Variants in ZNRF3 observed in about 807,000 individuals in gnomAD.
ZNRF3 encodes the protein E3 ubiquitin-protein ligase ZNRF3.
A neutral mutation model predicts 72.5 loss-of-function variants in ZNRF3; 23 were observed. The ratio of observed to expected loss-of-function variants is 0.32; its 90% CI spans 0.23 to 0.45. The LOEUF (loss-of-function observed/expected upper bound fraction) is 0.45, where lower values mean the gene tolerates loss of function less well. Among genes scored for constraint, ZNRF3 ranks in the 20% least tolerant of loss-of-function variants. ZNRF3 has a pLI of 1.00. For missense variants in ZNRF3, 1,169 were observed against 1,272.1 expected, an observed-to-expected ratio of 0.92 and a Z score of 1.23; for synonymous variants, 610 against 545.3, an observed-to-expected ratio of 1.12 and a Z score of -1.65.
Position 29,050,540 on chromosome 22 carries a change from G to A in ZNRF3, c.2359G>A (p.Val787Met), listed in dbSNP as rs2037182121. The stretch of plus-strand genomic sequence containing the variant: ...CTGCTGCTTCTATGAAGAGAAGCAG[G>A]TGGCCCGCGGGGGCGGAGGGGGCAG... Reference protein sequence around the residue: ...LPCCFYEEKQVARGGGGGSGC... With the variant: ...LPCCFYEEKQMARGGGGGSGC... Residue 787 changes from valine (V) to methionine (M), a missense_variant, in exon 8 of 9, where the codon GTG becomes ATG. This residue lies in a region of ZNRF3 where 783 missense variants were observed against 731.4 expected (regional missense o/e 1.07). Coordinates refer to ENST00000544604, the MANE Select transcript of ZNRF3 (RefSeq NM_001206998.2). 1 of 1,611,106 alleles carries A rather than the reference G, an allele frequency of 6.2e-7. No homozygotes were observed. Among genetic ancestry groups the A allele is most frequent in the Non-Finnish European group, 8.5e-7 (1 of 1,179,104 alleles).
intron 1 of ZNRF3, among the ~76,000 whole-genome samples, chr22:28,948,889 G>C (rs1169494572): frequency 6.6e-6 from 1 of 152,130 alleles, no homozygotes; most frequent in South Asian, 2.1e-4. Context: ...TCATGCATTG[G>C]TCATTTAGAA....
rs140765863 is a variant in ZNRF3 at position 29,043,716 on chromosome 22, C to T, written c.633+286C>T. 7.5e-3 allele frequency among the ~76,000 whole-genome samples: 1,139 copies of T among 152,286 alleles called. 12 individuals carry two copies. The highest frequency in any genetic ancestry group is 0.024 in the African/African-American group (1,009 of 41,560). On this transcript the variant is annotated intron_variant, in intron 4 of 8. Transcript: ENST00000544604. ...TGGCCATCTCTCATCCTTTCTTTTC[C>T]ATCCCATCTCCCTCTGAAAGGCAAA...
chr22:29,015,099 A>G (rs2036410000), intron 2 of ZNRF3, among the ~76,000 whole-genome samples: 1 of 151,940 alleles, frequency 6.6e-6, no homozygotes, highest in African/African-American at 2.4e-5. Context: ...CTGCTAAGAA[A>G]TAAAATGAAG....
At chr22:28,937,195 A>T (rs865858235) in intron 1 of ZNRF3, among the ~76,000 whole-genome samples, 1 of 91,178 alleles carries the variant, frequency 1.1e-5, no homozygotes, top group Admixed American at 9.8e-5. Context: ...ATATATATAT[A>T]TATATATATA....
intron 1 of ZNRF3, among the ~76,000 whole-genome samples, chr22:28,888,011 C>A (rs903553096): frequency 6.6e-6 from 1 of 151,854 alleles, no homozygotes; most frequent in Non-Finnish European, 1.5e-5. Flanking sequence ...TTGAGAAATT[C>A]ATTTGTAGAA....
chr22:28,984,132 A>T (rs5762933), intron 1 of ZNRF3, among the ~76,000 whole-genome samples: 8,250 of 87,972 alleles, frequency 0.094, 454 homozygotes, highest in East Asian at 0.21. Flanking sequence ...TTTTTTTTTT[A>T]AAAAAAACCT....
chr22:28,932,773 A>G (rs1213951593), intron 1 of ZNRF3, among the ~76,000 whole-genome samples: 1 of 152,220 alleles, frequency 6.6e-6, no homozygotes, highest in African/African-American at 2.4e-5. Flanking sequence ...GAAAGTCACC[A>G]AATGTCTGTC....
chr22:28,910,550 A>G (rs2034296944), intron 1 of ZNRF3, among the ~76,000 whole-genome samples: 2 of 152,164 alleles, frequency 1.3e-5, no homozygotes, highest in African/African-American at 4.8e-5. Context: ...GCCAGCTTTA[A>G]TGTCCTCTTA....
At chr22:28,941,539 A>G (rs1202158597) in intron 1 of ZNRF3, among the ~76,000 whole-genome samples, 1 of 152,216 alleles carries the variant, frequency 6.6e-6, no homozygotes, top group Non-Finnish European at 1.5e-5. Context: ...TTGAAGAGCC[A>G]GTAAAATGTT....
chr22:28,898,766 C>T (rs1212379639), intron 1 of ZNRF3, among the ~76,000 whole-genome samples: 6 of 152,116 alleles, frequency 3.9e-5, no homozygotes, highest in African/African-American at 1.4e-4. Context: ...TTTAAAAGGA[C>T]TGTAGTAGTA....
At chr22:28,973,886 G>A (rs2035620529) in intron 1 of ZNRF3, among the ~76,000 whole-genome samples, 2 of 151,158 alleles carry the variant, frequency 1.3e-5, no homozygotes, top group African/African-American at 4.9e-5. Flanking sequence ...CATCCCACTG[G>A]TTCCTTGTAA....
intron 1 of ZNRF3, among the ~76,000 whole-genome samples, chr22:28,909,778 G>A (rs915474299): frequency 4.1e-5 from 6 of 147,418 alleles, no homozygotes; most frequent in Non-Finnish European, 9.0e-5. Flanking sequence ...TTGGTGGTAG[G>A]GAAAGGGTTC....
At chr22:28,908,793 G>A (rs150623344) in intron 1 of ZNRF3, among the ~76,000 whole-genome samples, 2 of 152,274 alleles carry the variant, frequency 1.3e-5, no homozygotes, top group East Asian at 3.9e-4. Flanking sequence ...TTTTTAAAGC[G>A]GTGATTAGAT....
intron 1 of ZNRF3, among the ~76,000 whole-genome samples, chr22:28,969,031 A>C (rs902290989): frequency 9.9e-5 from 15 of 152,206 alleles, no homozygotes; most frequent in African/African-American, 3.6e-4. Context: ...CTTGGCCCAC[A>C]TGCAGGCTGT....
chr22:28,971,730 GTCTC>G (rs1216384384), intron 1 of ZNRF3, among the ~76,000 whole-genome samples: 2 of 152,122 alleles, frequency 1.3e-5, no homozygotes, highest in African/African-American at 4.8e-5. Context: ...TTAAGAGATG[GTCTC>G]TCTGTCTGTC....
At position 28,987,117 on chromosome 22, in the gene ZNRF3, C is replaced by T. The variant is rs2035868266; in HGVS notation, c.342C>T (p.Asp114=). The change falls in exon 2 of 9, where the codon GAC becomes GAT. Residue 114 remains aspartate, a synonymous_variant. Transcript: ENST00000544604. The part of the protein sequence containing the change: ...LGLCNNNDEE[D]LYEYGWVGVV... ...TATGTAATAACAATGACGAAGAGGACTTGTATGAATATGGCTGGGTAGGAG... is the reference window on the plus strand; with the variant it reads ...TATGTAATAACAATGACGAAGAGGATTTGTATGAATATGGCTGGGTAGGAG... The T allele has an allele frequency of 6.2e-7, 1 of 1,613,808 alleles. No homozygotes were observed. Among genetic ancestry groups the T allele is most frequent in the Non-Finnish European group, 8.5e-7 (1 of 1,179,894 alleles).
chr22:29,010,521 T>C (rs2036331056), intron 2 of ZNRF3, among the ~76,000 whole-genome samples: 1 of 152,196 alleles, frequency 6.6e-6, no homozygotes, highest in African/African-American at 2.4e-5. Flanking sequence ...ACTTAGGTTG[T>C]TTCCACCTTT....
At chr22:28,964,068 A>G (rs1397684837) in intron 1 of ZNRF3, among the ~76,000 whole-genome samples, 1 of 152,150 alleles carries the variant, frequency 6.6e-6, no homozygotes, top group African/African-American at 2.4e-5. Flanking sequence ...GGGATGAGGG[A>G]CAAGCTCCAG....
Position 29,050,335 on chromosome 22 carries a change from C to T in ZNRF3, c.2154C>T (p.Pro718=), listed in dbSNP as rs1236362062. 2 of 1,601,918 alleles carry T rather than the reference C, an allele frequency of 1.2e-6. No homozygotes were observed. The highest frequency in any genetic ancestry group is 2.7e-5 in the African/African-American group (2 of 74,826). ...PSCACCCEPQ[P]SPAGPSAGAA... The stretch of plus-strand genomic sequence containing the variant: ...GTGCCTGCTGCTGCGAGCCCCAGCC[C>T]TCCCCAGCCGGGCCTAGCGCCGGAG... The change falls in exon 8 of 9, where the codon CCC becomes CCT. Residue 718 remains proline, a synonymous_variant. Transcript: ENST00000544604.
Sources: gnomAD v4.1 joint callset for allele counts (sites outside exome capture counted in the v4.1 genomes callset) on GRCh38, gnomAD v4.1.1 for gene constraint, gnomAD v4.1.1 regional missense constraint, MANE v1.5 for transcripts, NCBI Gene and HGNC (gene_info 2026-07-23, HGNC 2026-07-21) for gene names.